SERINC5: variants seen among roughly 807,000 people sequenced by gnomAD.
SERINC5 encodes serine incorporator 5.
A neutral mutation model predicts 63.1 loss-of-function variants in SERINC5; 41 were observed. The observed-to-expected ratio is 0.65, with a 90% confidence interval of 0.51 to 0.84. The LOEUF (loss-of-function observed/expected upper bound fraction) is 0.84, where lower values mean the gene tolerates loss of function less well. Ranked by LOEUF, SERINC5 falls within the 40% of genes least tolerant of loss-of-function variation. The pLI is 0.00. For missense variants in SERINC5, 523 were observed against 573.0 expected, an observed-to-expected ratio of 0.91 and a Z score of 0.89; for synonymous variants, 222 against 215.2, an observed-to-expected ratio of 1.03 and a Z score of -0.28.
At chr5:80,115,653 T>C (rs1031042648) in intron 11 of SERINC5, among the ~76,000 whole-genome samples, 6 of 152,096 alleles carry the variant, frequency 3.9e-5, no homozygotes, top group Non-Finnish European at 7.3e-5. Context: ...AAAAATTTCC[T>C]GAGTTTACTG....
chr5:80,171,980 A>T (rs143420403), intron 5 of SERINC5, among the ~76,000 whole-genome samples: 54 of 152,348 alleles, frequency 3.5e-4, no homozygotes, highest in African/African-American at 1.3e-3. Flanking sequence ...ACTATATAAC[A>T]TATATGTATC....
intron 11 of SERINC5, among the ~76,000 whole-genome samples, chr5:80,120,423 G>A (rs1202646729): frequency 6.6e-6 from 1 of 152,198 alleles, no homozygotes; most frequent in Non-Finnish European, 1.5e-5. Context: ...GAGTTACTAG[G>A]TAGGGGAAAG....
intron 1 of SERINC5, among the ~76,000 whole-genome samples, chr5:80,237,440 C>T (rs1751746703): frequency 6.6e-6 from 1 of 151,730 alleles, no homozygotes; most frequent in Non-Finnish European, 1.5e-5. Context: ...CTCAGGTGAT[C>T]CTCCCACCTC....
At chr5:80,170,512 T>C (rs1339033578) in intron 5 of SERINC5, among the ~76,000 whole-genome samples, 2 of 152,182 alleles carry the variant, frequency 1.3e-5, no homozygotes, top group African/African-American at 2.4e-5. Flanking sequence ...TGACTGTGTC[T>C]CCAGGCTTAA....
intron 11 of SERINC5, among the ~76,000 whole-genome samples, chr5:80,130,371 T>A (rs1388153192): frequency 6.7e-6 from 1 of 149,190 alleles, no homozygotes; most frequent in African/African-American, 2.5e-5. Context: ...CAAAGCGAGA[T>A]TCCATCTCAA....
chr5:80,248,621 C>CAAAACACTAAAACT (rs1318878277), intron 1 of SERINC5, among the ~76,000 whole-genome samples: 3 of 152,142 alleles, frequency 2.0e-5, no homozygotes, highest in Non-Finnish European at 4.4e-5. Context: ...ACCAAAACAC[C>CAAAACACTAAAACT]ACCTTGACAG....
intron 11 of SERINC5, 83 bp from the exon 12 acceptor site, chr5:80,143,893 A>G (rs1745663073): frequency 1.4e-6 from 2 of 1,449,884 alleles, no homozygotes; most frequent in Non-Finnish European, 1.9e-6. Flanking sequence ...TTTATAATGT[A>G]TAATTCAACG....
intron 1 of SERINC5, among the ~76,000 whole-genome samples, chr5:80,237,177 C>T (rs1489109672): frequency 6.6e-6 from 1 of 152,166 alleles, no homozygotes; most frequent in African/African-American, 2.4e-5. Context: ...GGGTCAGGTG[C>T]ATCCTTGGTA....
At chr5:80,200,623 C>T (rs1405505583) in intron 2 of SERINC5, among the ~76,000 whole-genome samples, 1 of 152,210 alleles carries the variant, frequency 6.6e-6, no homozygotes, top group South Asian at 2.1e-4. Flanking sequence ...ATGTTTCAAG[C>T]AGTCAGAGGG....
intron 5 of SERINC5, among the ~76,000 whole-genome samples, chr5:80,170,671 C>T (rs1747590258): frequency 6.6e-6 from 1 of 152,214 alleles, no homozygotes; most frequent in Non-Finnish European, 1.5e-5. Flanking sequence ...CTTCACTGGG[C>T]TTCCCCAAGT....
intron 1 of SERINC5, among the ~76,000 whole-genome samples, chr5:80,209,748 G>A (rs539325478): frequency 6.6e-6 from 1 of 152,184 alleles, no homozygotes; most frequent in East Asian, 1.9e-4. Context: ...CTGACTACTT[G>A]AGAAAAGTAA....
chr5:80,255,574 T>C (rs1037608869), intron 1 of SERINC5, among the ~76,000 whole-genome samples: 1 of 152,204 alleles, frequency 6.6e-6, no homozygotes, highest in East Asian at 1.9e-4. Flanking sequence ...TATTCACCAG[T>C]GCTCGGCGCA....
At chr5:80,247,686 C>A (rs959985603) in intron 1 of SERINC5, among the ~76,000 whole-genome samples, 2 of 152,200 alleles carry the variant, frequency 1.3e-5, no homozygotes, top group Non-Finnish European at 2.9e-5. Context: ...CACAAAGACA[C>A]TCCTAAGCCA....
intron 1 of SERINC5, among the ~76,000 whole-genome samples, chr5:80,235,524 G>C (rs776225457): frequency 1.3e-5 from 2 of 152,166 alleles, no homozygotes; most frequent in Non-Finnish European, 2.9e-5. Flanking sequence ...AGAAGAGTAG[G>C]TTTTTCTTTC....
chr5:80,179,424 C>A (rs1225600488), intron 2 of SERINC5, among the ~76,000 whole-genome samples: 1 of 152,188 alleles, frequency 6.6e-6, no homozygotes, highest in East Asian at 1.9e-4. Context: ...AATCAATAAC[C>A]ATTCTCACAC....
At chr5:80,244,884 C>A (rs1752103711) in intron 1 of SERINC5, among the ~76,000 whole-genome samples, 1 of 152,230 alleles carries the variant, frequency 6.6e-6, no homozygotes, top group East Asian at 1.9e-4. Flanking sequence ...GCTGGAGTGT[C>A]GCAGATCAAA....
chr5:80,189,434 C>T (rs903559106), intron 2 of SERINC5, among the ~76,000 whole-genome samples: 7 of 152,202 alleles, frequency 4.6e-5, no homozygotes, highest in African/African-American at 1.7e-4. Flanking sequence ...CTATTTCTAA[C>T]TCAAGACAAC....
intron 2 of SERINC5, among the ~76,000 whole-genome samples, chr5:80,194,418 G>A (rs1196441265): frequency 3.9e-5 from 6 of 152,138 alleles, no homozygotes; most frequent in Non-Finnish European, 2.9e-5. Context: ...ATTTTACATT[G>A]GGACAAACTG....
At chr5:80,254,202 G>A (rs1459306918) in intron 1 of SERINC5, among the ~76,000 whole-genome samples, 3 of 151,342 alleles carry the variant, frequency 2.0e-5, no homozygotes, top group African/African-American at 4.9e-5. Flanking sequence ...GGGATTACAG[G>A]CATGAGCCAC....
Sources: allele counts gnomAD v4.1 joint callset (sites outside exome capture counted in the v4.1 genomes callset), GRCh38; gene constraint gnomAD v4.1.1; transcripts MANE v1.5; gene names NCBI Gene and HGNC (gene_info 2026-07-23, HGNC 2026-07-21).